The following TMTC1 variants were observed in gnomAD, a reference collection of about 807,000 sequenced individuals.
TMTC1 encodes the protein protein O-mannosyl-transferase TMTC1.
A neutral mutation model predicts 104.8 loss-of-function variants in TMTC1; 73 were observed. The observed-to-expected ratio is 0.70, with a 90% CI of 0.58 to 0.85. The LOEUF (loss-of-function observed/expected upper bound fraction) is 0.85, where lower values mean the gene tolerates loss of function less well. TMTC1 is among the 40% of genes least tolerant of loss of function. The pLI is 0.00. For synonymous variants in TMTC1, 434 were observed against 428.7 expected (o/e 1.01, Z -0.15); for missense variants, 1,035 against 1,096.1 (o/e 0.94, Z 0.79).
rs1166133086 is a variant in TMTC1 at position 29,776,818 on chromosome 12, G to C, written c.302+6632C>G. ...TGACATTTAGGCAGAAACCAAAGGT[G>C]GTGAGCACATAAGCCCTGCACAGAT... On this transcript the variant is annotated intron_variant, in intron 1 of 17. Coordinates refer to ENST00000539277, the MANE Select transcript of TMTC1 (RefSeq NM_001193451.2). Among the ~76,000 whole-genome samples the C allele has an allele frequency of 5.3e-5, 8 of 152,176 alleles. No homozygotes were observed. In the South Asian group the frequency reaches 1.7e-3, roughly 32 times the overall value.
At chr12:29,678,350 C>T (rs1940800736) in intron 5 of TMTC1, among the ~76,000 whole-genome samples, 1 of 152,156 alleles carries the variant, frequency 6.6e-6, no homozygotes, top group African/African-American at 2.4e-5. Flanking sequence ...TAGAGATGGC[C>T]ATGTGACTGA....
At chr12:29,556,005 T>C (rs991387535) in intron 10 of TMTC1, among the ~76,000 whole-genome samples, 5 of 152,170 alleles carry the variant, frequency 3.3e-5, no homozygotes, top group Admixed American at 3.3e-4. Flanking sequence ...ACGCTCCAAT[T>C]CTGGTCATTT....
intron 5 of TMTC1, among the ~76,000 whole-genome samples, chr12:29,641,463 A>G (rs1008331884): frequency 6.6e-6 from 1 of 152,186 alleles, no homozygotes; most frequent in African/African-American, 2.4e-5. Flanking sequence ...AGTAGATTCA[A>G]TGGGTGGCTA....
At chr12:29,732,172 A>C (rs1041495908) in intron 5 of TMTC1, among the ~76,000 whole-genome samples, 3 of 152,232 alleles carry the variant, frequency 2.0e-5, no homozygotes, top group Non-Finnish European at 4.4e-5. Context: ...TTGCAAAATC[A>C]GTAAAGCAAT....
intron 5 of TMTC1, among the ~76,000 whole-genome samples, chr12:29,707,594 C>G (rs919338454): frequency 6.6e-6 from 1 of 152,180 alleles, no homozygotes; most frequent in African/African-American, 2.4e-5. Flanking sequence ...ATTTTAAGAG[C>G]AAGGCAGTGG....
intron 2 of TMTC1, among the ~76,000 whole-genome samples, chr12:29,761,359 T>C (rs1943344631): frequency 1.3e-5 from 2 of 151,844 alleles, no homozygotes; most frequent in African/African-American, 4.8e-5. Context: ...GATTTTTATA[T>C]ATTGAGAGAG....
At chr12:29,674,181 T>C (rs1477745673) in intron 5 of TMTC1, among the ~76,000 whole-genome samples, 2 of 152,138 alleles carry the variant, frequency 1.3e-5, no homozygotes, top group Admixed American at 6.6e-5. Flanking sequence ...AGATCTGGGT[T>C]TGAATTCCAG....
chr12:29,520,823 T>A, intron 11 of TMTC1, 103 bp from the exon 12 acceptor site: 1 of 861,710 alleles, frequency 1.2e-6, no homozygotes, highest in Non-Finnish European at 1.8e-6. Flanking sequence ...TAAATCTTAC[T>A]AAGCACCTAA....
At chr12:29,514,422 C>A in intron 16 of TMTC1, 60 bp downstream of exon 16, 2 of 1,538,558 alleles carry the variant, frequency 1.3e-6, no homozygotes, top group South Asian at 1.2e-5. Flanking sequence ...CCTTAAAGAT[C>A]AAAAGACAAT....
At chr12:29,684,752 T>G (rs1941036749) in intron 5 of TMTC1, among the ~76,000 whole-genome samples, 1 of 151,976 alleles carries the variant, frequency 6.6e-6, no homozygotes, top group African/African-American at 2.4e-5. Context: ...GAAAATACAG[T>G]GAAAACACTT....
intron 5 of TMTC1, among the ~76,000 whole-genome samples, chr12:29,727,983 G>GC: frequency 6.6e-6 from 1 of 152,262 alleles, no homozygotes; most frequent in East Asian, 1.9e-4. Context: ...TTAAAGCGAA[G>GC]CAACGACTGG....
Position 29,556,998 on chromosome 12 carries a change from A to G in TMTC1, c.1535T>C (p.Leu512Ser). 1 of 1,613,840 alleles carries G rather than the reference A, an allele frequency of 6.2e-7. No homozygotes were observed. Among genetic ancestry groups the G allele is most frequent in the African/African-American group, 1.3e-5 (1 of 75,026 alleles). ...GAGCGCACTTGCATGGCGTGGATACAACCTGAAAAGTTAAAAATATTAAGC... is the reference window on the plus strand; with the variant it reads ...GAGCGCACTTGCATGGCGTGGATACGACCTGAAAAGTTAAAAATATTAAGC... ...AIYHYRTALK[L>S]YPRHASALNN... Residue 512 changes from leucine to serine, a missense_variant and splice_region_variant, in exon 10 of 18, where the codon TTG (leucine) becomes TCG (serine). Physicochemically the swap from Leu to Ser is moderately radical, Grantham distance 145. Coordinates refer to ENST00000539277, the MANE Select transcript of TMTC1 (RefSeq NM_001193451.2).
chr12:29,585,578 AAC>A (rs1946111014), intron 7 of TMTC1, among the ~76,000 whole-genome samples: 1 of 152,204 alleles, frequency 6.6e-6, no homozygotes, highest in African/African-American at 2.4e-5. Flanking sequence ...TTTTAGGTCT[AAC>A]ATGTAAGTCT....
chr12:29,698,375 G>A (rs548842593), intron 5 of TMTC1, among the ~76,000 whole-genome samples: 3 of 152,228 alleles, frequency 2.0e-5, no homozygotes, highest in African/African-American at 7.2e-5. Flanking sequence ...TTTTTGCCCT[G>A]TGTGTGTTAA....
rs763865805 is a variant in TMTC1 at position 29,520,626 on chromosome 12, A to G, written c.1880T>C (p.Val627Ala). Residue 627 changes from valine to alanine, a missense_variant, in exon 12 of 18, where the codon GTT becomes GCT. Val to Ala is a moderately conservative substitution (Grantham distance 64). Transcript: ENST00000539277. ...DLHNNYGVFL[V>A]DTGLPEKAVA... ...TCTTTAATTTCACTTACCAGTATCA[A>G]CTAAGAAAACCCCATAGTTGTTGTG... 3 of 1,612,026 alleles carry G rather than the reference A, an allele frequency of 1.9e-6. No homozygotes were observed. The highest frequency in any genetic ancestry group is 1.3e-5 in the African/African-American group (1 of 74,824).
intron 5 of TMTC1, among the ~76,000 whole-genome samples, chr12:29,649,218 T>G (rs1346749561): frequency 1.3e-5 from 2 of 152,194 alleles, no homozygotes; most frequent in Non-Finnish European, 2.9e-5. Context: ...TTACCTCTTG[T>G]GAAAACTTCT....
At chr12:29,592,583 A>T (rs114526701) in intron 7 of TMTC1, among the ~76,000 whole-genome samples, 1,990 of 152,262 alleles carry the variant, frequency 0.013, 44 homozygotes, top group African/African-American at 0.045. Flanking sequence ...TCTCAGCCTC[A>T]TAGTCCACCT....
At chr12:29,549,409 G>A (rs1360551764) in intron 10 of TMTC1, among the ~76,000 whole-genome samples, 1 of 152,120 alleles carries the variant, frequency 6.6e-6, no homozygotes, top group East Asian at 1.9e-4. Flanking sequence ...AGGAGGTATG[G>A]AAGGTCTTTC....
chr12:29,512,038 C>A lies in TMTC1; in HGVS notation c.2508+5G>T. 6.2e-7 allele frequency: 1 copy of A among 1,613,974 alleles called. No homozygotes were observed. Among genetic ancestry groups the A allele is most frequent in the African/African-American group, 1.3e-5 (1 of 75,048 alleles). ...GGTCCACATGGGAGTGAATTATTCTCCTACCTTGATGTGTTGGATGCCACC... is the reference window on the plus strand; with the variant it reads ...GGTCCACATGGGAGTGAATTATTCTACTACCTTGATGTGTTGGATGCCACC... On this transcript the variant is annotated splice_donor_5th_base_variant and intron_variant, in intron 17 of 17. Coordinates refer to ENST00000539277, the MANE Select transcript of TMTC1 (RefSeq NM_001193451.2).
Sources: allele counts gnomAD v4.1 joint callset (sites outside exome capture counted in the v4.1 genomes callset), GRCh38; gene constraint gnomAD v4.1.1; transcripts MANE v1.5; gene names NCBI Gene and HGNC (gene_info 2026-07-23, HGNC 2026-07-21).